PRKD1: variants seen among roughly 807,000 people sequenced by gnomAD.
PRKD1 encodes serine/threonine-protein kinase D1.
Under a neutral mutation model 95.9 loss-of-function variants are expected in PRKD1, and 63 were observed. That is an observed-to-expected ratio of 0.66 (90% CI 0.54 to 0.81). The LOEUF is 0.81. Ranked by LOEUF, PRKD1 falls within the 30% of genes least tolerant of loss-of-function variation. The pLI is 0.00. For missense variants in PRKD1, 1,048 were observed against 1,165.3 expected (o/e 0.90, Z 1.47); for synonymous variants, 425 against 423.1 (o/e 1.00, Z -0.05).
At chr14:29,753,345 C>A (rs1418244059) in intron 1 of PRKD1, among the ~76,000 whole-genome samples, 1 of 152,044 alleles carries the variant, frequency 6.6e-6, no homozygotes, top group Non-Finnish European at 1.5e-5. Context: ...TTATTTTCTC[C>A]ACATTTTTGG....
intron 1 of PRKD1, among the ~76,000 whole-genome samples, chr14:29,770,083 G>A (rs12897784): frequency 0.17 from 25,498 of 152,104 alleles, 2,320 homozygotes; most frequent in South Asian, 0.23. Flanking sequence ...GCCAGAAGGC[G>A]CCACCTATGA....
At chr14:29,578,540 T>C (rs1366614820) in intron 16 of PRKD1, among the ~76,000 whole-genome samples, 180 bp from the exon 17 acceptor site, 5 of 68,770 alleles carry the variant, frequency 7.3e-5, no homozygotes, top group African/African-American at 1.3e-4. Flanking sequence ...TTATTTTGGA[T>C]ACTAAAAAAA....
chr14:29,840,872 C>T (rs894459028), intron 1 of PRKD1, among the ~76,000 whole-genome samples: 5 of 152,216 alleles, frequency 3.3e-5, no homozygotes, highest in African/African-American at 7.2e-5. Flanking sequence ...CAGGTCCCTC[C>T]CACAACACGT....
intron 1 of PRKD1, among the ~76,000 whole-genome samples, chr14:29,758,498 T>C (rs1029437426): frequency 1.3e-5 from 2 of 152,184 alleles, no homozygotes; most frequent in Admixed American, 6.5e-5. Flanking sequence ...TTAGAAAGGA[T>C]AGAGCAGGGC....
chr14:29,722,136 G>C (rs1339779605), intron 2 of PRKD1, among the ~76,000 whole-genome samples: 1 of 151,950 alleles, frequency 6.6e-6, no homozygotes, highest in African/African-American at 2.4e-5. Context: ...GTTCCTGCTG[G>C]TAGATTGTTA....
chr14:29,671,941 T>C (rs45535942), intron 2 of PRKD1, among the ~76,000 whole-genome samples: 3,912 of 152,192 alleles, frequency 0.026, 140 homozygotes, highest in African/African-American at 0.079. Flanking sequence ...CTGTGAAAGA[T>C]AAAAGAGAGA....
chr14:29,714,859 C>T (rs1885519588), intron 2 of PRKD1, among the ~76,000 whole-genome samples: 6 of 152,066 alleles, frequency 3.9e-5, no homozygotes, highest in Admixed American at 3.9e-4. Context: ...AACACAAGAA[C>T]AGAAAATCAA....
intron 1 of PRKD1, among the ~76,000 whole-genome samples, chr14:29,891,139 A>T (rs1375846441): frequency 6.6e-6 from 1 of 152,236 alleles, no homozygotes; most frequent in East Asian, 1.9e-4. Context: ...CAGATGCCCA[A>T]AGGACAGCTA....
chr14:29,897,645 A>G (rs1340016185), intron 1 of PRKD1, among the ~76,000 whole-genome samples: 1 of 152,188 alleles, frequency 6.6e-6, no homozygotes, highest in African/African-American at 2.4e-5. Context: ...ATAATAAAAG[A>G]TAAAAGGAAA....
intron 1 of PRKD1, among the ~76,000 whole-genome samples, chr14:29,730,321 C>A (rs559388469): frequency 1.3e-5 from 2 of 152,072 alleles, no homozygotes; most frequent in South Asian, 2.1e-4. Flanking sequence ...TGAGATATTA[C>A]CTCAACCCTG....
chr14:29,782,045 C>T (rs939297969), intron 1 of PRKD1, among the ~76,000 whole-genome samples: 4 of 152,132 alleles, frequency 2.6e-5, no homozygotes, highest in African/African-American at 9.7e-5. Flanking sequence ...ATGCTTTACA[C>T]CCTAATATTC....
intron 2 of PRKD1, among the ~76,000 whole-genome samples, chr14:29,716,495 C>T (rs891833668): frequency 1.3e-5 from 2 of 152,100 alleles, no homozygotes; most frequent in African/African-American, 2.4e-5. Context: ...AGAGGTCAGC[C>T]AGACCTCAGG....
chr14:29,724,566 TA>T (rs898607690), intron 2 of PRKD1, among the ~76,000 whole-genome samples: 1 of 152,026 alleles, frequency 6.6e-6, no homozygotes, highest in East Asian at 1.9e-4. Flanking sequence ...CCAATAAAGA[TA>T]AAAAAGAGAA....
At chr14:29,581,728 GTGTGTA>G (rs1173316421) in intron 16 of PRKD1, among the ~76,000 whole-genome samples, 2 of 152,156 alleles carry the variant, frequency 1.3e-5, no homozygotes, top group Non-Finnish European at 2.9e-5. Flanking sequence ...GCAAGGATGT[GTGTGTA>G]TGTGTATGTA....
At chr14:29,782,498 T>C (rs994445047) in intron 1 of PRKD1, among the ~76,000 whole-genome samples, 11 of 152,226 alleles carry the variant, frequency 7.2e-5, no homozygotes, top group Non-Finnish European at 1.3e-4. Context: ...AAAATGTTTA[T>C]TCTAATGTAA....
intron 2 of PRKD1, among the ~76,000 whole-genome samples, chr14:29,670,176 G>A (rs1048068534): frequency 6.6e-6 from 1 of 152,116 alleles, no homozygotes; most frequent in Non-Finnish European, 1.5e-5. Context: ...TATGTTATGT[G>A]TTATTAATAT....
At chr14:29,624,416 A>G (rs1879481440) in intron 12 of PRKD1, among the ~76,000 whole-genome samples, 158 bp from the exon 13 acceptor site, 1 of 152,136 alleles carries the variant, frequency 6.6e-6, no homozygotes, top group Non-Finnish European at 1.5e-5. Flanking sequence ...ATATATAAAG[A>G]TTTCATTATT....
At chr14:29,657,912 T>C (rs1458591101) in intron 4 of PRKD1, 1 of 152,096 alleles carries the variant, frequency 6.6e-6, no homozygotes, top group Non-Finnish European at 1.5e-5. Context: ...AGAAAAAACC[T>C]GCCACATTTC....
chr14:29,705,105 T>G (rs1031244712), intron 2 of PRKD1, among the ~76,000 whole-genome samples: 2 of 152,150 alleles, frequency 1.3e-5, no homozygotes, highest in Non-Finnish European at 2.9e-5. Context: ...TCCTTTGAAT[T>G]ACTCACGTCG....
Sources: allele counts gnomAD v4.1 joint callset (sites outside exome capture counted in the v4.1 genomes callset), GRCh38; gene constraint gnomAD v4.1.1; transcripts MANE v1.5; gene names NCBI Gene and HGNC (gene_info 2026-07-23, HGNC 2026-07-21).